The following DACH1 variants were observed in gnomAD, a reference collection of about 807,000 sequenced individuals.
DACH1 encodes the protein dachshund homolog 1.
A neutral mutation model predicts 54.2 loss-of-function variants in DACH1; 12 were observed. That is an observed-to-expected ratio of 0.22 (90% CI 0.14 to 0.36). DACH1 has a LOEUF of 0.36. DACH1 is among the 10% of genes least tolerant of loss of function. The probability of loss-of-function intolerance (pLI) is 1.00; values close to 1 mark genes in which losing one functional copy is unlikely to be tolerated. For synonymous variants in DACH1, 386 were observed against 366.2 expected (o/e 1.05, Z -0.62); for missense variants, 805 against 929.8 (o/e 0.87, Z 1.75).
rs1344073359 is a variant in DACH1 at position 71,864,207 on chromosome 13, ACACACAC to A, written c.848+1708_848+1714del. The stretch of plus-strand genomic sequence containing the variant: ...CACACACACACACACACACACACAC[ACACACAC>A]AACATTTACCCCAAAATAGTCGAAG... On this transcript the variant is annotated intron_variant, in intron 1 of 10. Coordinates refer to ENST00000613252, the MANE Select transcript of DACH1 (RefSeq NM_080759.6). Among the ~76,000 whole-genome samples the A allele has an allele frequency of 1.3e-3, 158 of 123,132 alleles. 3 individuals carry two copies. In the East Asian group the frequency reaches 0.054, roughly 42 times the overall value. The allele number at this position is 123,132 out of a possible 152,430, so 80.8% of individuals were successfully genotyped here.
intron 3 of DACH1, among the ~76,000 whole-genome samples, chr13:71,593,540 A>G (rs988923303): frequency 1.3e-5 from 2 of 152,122 alleles, no homozygotes; most frequent in African/African-American, 4.8e-5. Flanking sequence ...TTTCATTTCT[A>G]GTTTCCCAGA....
chr13:71,518,183 C>T (rs1593823684), intron 6 of DACH1, among the ~76,000 whole-genome samples: 1 of 151,826 alleles, frequency 6.6e-6, no homozygotes, highest in Middle Eastern at 3.4e-3. Context: ...AAAGATGTAA[C>T]TAAGTTTAAA....
intron 3 of DACH1, among the ~76,000 whole-genome samples, chr13:71,591,404 T>C (rs977665349): frequency 1.3e-5 from 2 of 152,188 alleles, no homozygotes; most frequent in African/African-American, 4.8e-5. Context: ...ACATGGATTA[T>C]AAATAGTTAC....
intron 3 of DACH1, among the ~76,000 whole-genome samples, chr13:71,620,432 C>CT (rs982655432): frequency 2.0e-5 from 3 of 151,680 alleles, no homozygotes; most frequent in African/African-American, 7.3e-5. Context: ...GAAAATCTAT[C>CT]TTTTTTTTCC....
intron 1 of DACH1, among the ~76,000 whole-genome samples, chr13:71,729,084 A>T (rs773749280): frequency 6.6e-6 from 1 of 152,014 alleles, no homozygotes; most frequent in Non-Finnish European, 1.5e-5. Context: ...GAACACAAAA[A>T]CATCTAAGAG....
intron 10 of DACH1, among the ~76,000 whole-genome samples, chr13:71,442,901 G>T (rs888878063): frequency 1.3e-5 from 2 of 151,432 alleles, no homozygotes; most frequent in African/African-American, 4.8e-5. Flanking sequence ...GTTGACAATG[G>T]GTAACTGAGA....
chr13:71,738,786 G>GAA (rs59793953), intron 1 of DACH1, among the ~76,000 whole-genome samples: 3 of 88,396 alleles, frequency 3.4e-5, no homozygotes, highest in East Asian at 2.6e-4. Context: ...AAATGCTCAA[G>GAA]AAAAAAAAAC....
intron 6 of DACH1, among the ~76,000 whole-genome samples, chr13:71,546,187 TTCCTC>T (rs1270534470): frequency 6.6e-6 from 1 of 152,084 alleles, no homozygotes; most frequent in Non-Finnish European, 1.5e-5. Flanking sequence ...TATCAACTGT[TTCCTC>T]AGATCACAGC....
intron 1 of DACH1, among the ~76,000 whole-genome samples, chr13:71,823,497 T>C (rs1888269752): frequency 6.6e-6 from 1 of 152,122 alleles, no homozygotes; most frequent in Non-Finnish European, 1.5e-5. Context: ...CATTTCCTTT[T>C]ATTTCTGGTA....
chr13:71,865,840 C>T, intron 1 of DACH1, 82 bp downstream of exon 1: 4 of 1,353,656 alleles, frequency 3.0e-6, no homozygotes, highest in Non-Finnish European at 2.8e-6. Context: ...GCAGAGCGAG[C>T]GGCGCCGGGA....
At chr13:71,529,217 C>T (rs569769928) in intron 6 of DACH1, among the ~76,000 whole-genome samples, 5 of 133,424 alleles carry the variant, frequency 3.7e-5, no homozygotes, top group South Asian at 4.6e-4. Context: ...GGCAGAATCT[C>T]GCTGTGTCAC....
At chr13:71,499,753 A>G (rs1210187077) in intron 6 of DACH1, among the ~76,000 whole-genome samples, 1 of 152,148 alleles carries the variant, frequency 6.6e-6, no homozygotes, top group Admixed American at 6.5e-5. Flanking sequence ...TACTTTAATA[A>G]TCTACTTTAA....
intron 1 of DACH1, among the ~76,000 whole-genome samples, chr13:71,819,733 A>G (rs1888113239): frequency 6.6e-6 from 1 of 152,212 alleles, no homozygotes; most frequent in African/African-American, 2.4e-5. Context: ...CAAAGAAATT[A>G]ATTCTTATTC....
chr13:71,471,604 C>A (rs1009048024), intron 10 of DACH1, among the ~76,000 whole-genome samples: 2 of 151,474 alleles, frequency 1.3e-5, no homozygotes, highest in African/African-American at 4.8e-5. Context: ...ACTAAAAACA[C>A]CACCGGGCCT....
At chr13:71,621,398 G>A (rs1566384605) in intron 3 of DACH1, among the ~76,000 whole-genome samples, 1 of 152,024 alleles carries the variant, frequency 6.6e-6, no homozygotes, top group East Asian at 1.9e-4. Flanking sequence ...TTAAATCACA[G>A]CAGTATGGCT....
chr13:71,452,343 G>T (rs1875138408), intron 10 of DACH1, among the ~76,000 whole-genome samples: 1 of 151,954 alleles, frequency 6.6e-6, no homozygotes, highest in Admixed American at 6.6e-5. Flanking sequence ...GCCCAGGCTG[G>T]TCTCAAACTC....
In DACH1 at chr13:71,772,269, T is replaced by C. The variant is rs1044293369; in HGVS notation, c.849-90359A>G. On this transcript the variant is annotated intron_variant, in intron 1 of 10. Coordinates refer to ENST00000613252, the MANE Select transcript of DACH1 (RefSeq NM_080759.6). ...ATAGACAATGGGTTCTTTATGAATATGTGAGCATGCCTAAAAGCAACAAAA... is the reference window on the plus strand; with the variant it reads ...ATAGACAATGGGTTCTTTATGAATACGTGAGCATGCCTAAAAGCAACAAAA... Among the ~76,000 whole-genome samples the C allele has an allele frequency of 2.0e-5, 3 of 151,706 alleles. 1 individual carries two copies. The South Asian group carries it at 6.2e-4, about 31-fold the overall frequency.
intron 1 of DACH1, among the ~76,000 whole-genome samples, chr13:71,796,690 A>G (rs1272418667): frequency 2.0e-5 from 3 of 152,126 alleles, no homozygotes; most frequent in Non-Finnish European, 4.4e-5. Flanking sequence ...CTCATAAAGA[A>G]GAAAATCACA....
intron 1 of DACH1, among the ~76,000 whole-genome samples, chr13:71,795,824 G>A (rs1289230628): frequency 1.3e-5 from 2 of 152,142 alleles, no homozygotes; most frequent in Non-Finnish European, 1.5e-5. Flanking sequence ...ATTGTTGGAA[G>A]GAGCAAATTT....
Sources: allele counts gnomAD v4.1 joint callset (sites outside exome capture counted in the v4.1 genomes callset), GRCh38; gene constraint gnomAD v4.1.1; transcripts MANE v1.5; gene names NCBI Gene and HGNC (gene_info 2026-07-23, HGNC 2026-07-21).